CCDC33: variants seen among roughly 807,000 people sequenced by gnomAD.
CCDC33 encodes coiled-coil domain-containing protein 33.
Under a neutral mutation model 91.9 loss-of-function variants are expected in CCDC33, and 94 were observed. That is an observed-to-expected ratio of 1.02 (90% CI 0.87 to 1.21). CCDC33 has a LOEUF of 1.21. Among genes scored for constraint, CCDC33 ranks in the 50% most tolerant of loss-of-function variants. The probability of loss-of-function intolerance (pLI) is 0.00; values close to 1 mark genes in which losing one functional copy is unlikely to be tolerated. For synonymous variants in CCDC33, 396 were observed against 374.5 expected, an observed-to-expected ratio of 1.06 and a Z score of -0.66; for missense variants, 940 against 935.5, an observed-to-expected ratio of 1.00 and a Z score of -0.06.
At chr15:74,232,521 T>C (rs2075011149), upstream of CCDC33, among the ~76,000 whole-genome samples, 1 of 152,104 alleles carries the variant, frequency 6.6e-6, no homozygotes, top group Non-Finnish European at 1.5e-5. Context: ...CCCCCACACT[T>C]GGCCTTCTCT....
intron 13 of CCDC33, 43 bp from the exon 14 acceptor site, chr15:74,330,938 C>T: frequency 6.4e-7 from 1 of 1,556,872 alleles, no homozygotes. Flanking sequence ...GGTGGACTCC[C>T]AGGCACCCAT....
chr15:74,277,828 A>G (rs1278186518), intron 7 of CCDC33, among the ~76,000 whole-genome samples: 1 of 152,206 alleles, frequency 6.6e-6, no homozygotes, highest in Non-Finnish European at 1.5e-5. Context: ...CATAGGCTCC[A>G]TTTAGACACA....
At chr15:74,251,329 G>A (rs1457377159) in intron 2 of CCDC33, among the ~76,000 whole-genome samples, 1 of 152,240 alleles carries the variant, frequency 6.6e-6, no homozygotes, top group African/African-American at 2.4e-5. Flanking sequence ...CCCAGCACCT[G>A]TCACCCAGCC....
rs1382759168 is a variant in CCDC33 at position 74,272,894 on chromosome 15, A to T, written c.759+3A>T. The T allele has an allele frequency of 1.2e-6, 2 of 1,614,010 alleles. No individual in the cohort carries two copies. The highest frequency in any genetic ancestry group is 1.7e-5 in the Admixed American group (1 of 60,000). ...TCAGCCAGAACGGATGCCCTCAGGT[A>T]TGTCTCCTCCCCAGTGGTTCCAGCT... is the stretch of plus-strand genomic sequence containing the variant. On this transcript the variant is annotated splice_donor_region_variant and intron_variant, in intron 7 of 18. Coordinates refer to ENST00000398814, the MANE Select transcript of CCDC33 (RefSeq NM_025055.5).
At chr15:74,219,973 G>C (rs1405878373) in intron 2 of CCDC33, among the ~76,000 whole-genome samples, 1 of 152,192 alleles carries the variant, frequency 6.6e-6, no homozygotes, top group Admixed American at 6.5e-5. Flanking sequence ...CATTGGTCTG[G>C]TGCTGAAGTG....
chr15:74,324,658 C>T (rs2060272578), intron 11 of CCDC33, among the ~76,000 whole-genome samples: 1 of 151,836 alleles, frequency 6.6e-6, no homozygotes, highest in African/African-American at 2.4e-5. Flanking sequence ...CTTCCCAAGG[C>T]TCCAATGGAA....
intron 16 of CCDC33, among the ~76,000 whole-genome samples, chr15:74,333,642 G>A (rs1377676859): frequency 6.6e-6 from 1 of 152,150 alleles, no homozygotes; most frequent in Non-Finnish European, 1.5e-5. Context: ...TAAAAAAAAT[G>A]TTGTGTCAAA....
At chr15:74,295,220 T>G (rs909476394) in intron 10 of CCDC33, among the ~76,000 whole-genome samples, 4 of 152,190 alleles carry the variant, frequency 2.6e-5, no homozygotes, top group African/African-American at 9.7e-5. Flanking sequence ...AGCCAGAGAC[T>G]AGGGATAGAC....
At chr15:74,245,311 G>C (rs955538510) in intron 2 of CCDC33, among the ~76,000 whole-genome samples, 1 of 152,176 alleles carries the variant, frequency 6.6e-6, no homozygotes, top group Non-Finnish European at 1.5e-5. Flanking sequence ...CTGTGAAAGG[G>C]GGGTAGAAGC....
chr15:74,308,680 C>T lies in CCDC33; in HGVS notation c.1290+12732C>T, dbSNP rs144753733. Among the ~76,000 whole-genome samples, 33 of 152,350 alleles carry T rather than the reference C, an allele frequency of 2.2e-4. No individual in the cohort carries two copies. In the East Asian group the frequency reaches 6.0e-3, roughly 28 times the overall value. On this transcript the variant is annotated intron_variant, in intron 11 of 18. Transcript: ENST00000398814. ...TTACTCAAACAGACAAAAGGGGGCT[C>T]AGCATCTCTGGTGGCACTAAGCCTC...
intron 18 of CCDC33, chr15:74,335,522 GC>G: frequency 2.7e-6 from 1 of 369,660 alleles, no homozygotes; most frequent in Non-Finnish European, 5.0e-6. Flanking sequence ...GCTCCACTTT[GC>G]CAACTTCCCG....
upstream of CCDC33, among the ~76,000 whole-genome samples, chr15:74,235,041 C>G (rs1346179215): frequency 6.6e-6 from 1 of 152,200 alleles, no homozygotes; most frequent in Non-Finnish European, 1.5e-5. Flanking sequence ...ACTGGGGGAG[C>G]AGCCACTGAG....
chr15:74,237,187 T>C (rs1293640449), intron 1 of CCDC33, among the ~76,000 whole-genome samples: 1 of 152,328 alleles, frequency 6.6e-6, no homozygotes, highest in East Asian at 1.9e-4. Context: ...GGAACACAGA[T>C]GCTTGGGTCT....
At chr15:74,278,313 A>C (rs2076502539) in intron 7 of CCDC33, among the ~76,000 whole-genome samples, 1 of 152,236 alleles carries the variant, frequency 6.6e-6, no homozygotes, top group African/African-American at 2.4e-5. Flanking sequence ...ATGATCCTGC[A>C]TCAATAACTC....
At chr15:74,208,684 T>C (rs912233725) in intron 1 of CCDC33, 6 of 985,250 alleles carry the variant, frequency 6.1e-6, no homozygotes, top group Admixed American at 6.1e-5. Flanking sequence ...TCTGCTCACT[T>C]CCTGCCCCTA....
At chr15:74,281,654 C>G in intron 9 of CCDC33, 124 bp from the exon 10 acceptor site, 1 of 833,892 alleles carries the variant, frequency 1.2e-6, no homozygotes, top group Admixed American at 2.0e-5. Context: ...GCTCCCACCT[C>G]CCTCCCACCC....
chr15:74,254,960 C>G (rs968807573), intron 2 of CCDC33, among the ~76,000 whole-genome samples: 5 of 152,214 alleles, frequency 3.3e-5, no homozygotes, highest in Admixed American at 6.5e-5. Context: ...GTTGGCCAAG[C>G]TGGTCTCGAA....
chr15:74,313,695 T>C (rs1202265889), intron 11 of CCDC33, among the ~76,000 whole-genome samples: 1 of 152,170 alleles, frequency 6.6e-6, no homozygotes, highest in East Asian at 1.9e-4. Flanking sequence ...CGGAGGGCTA[T>C]GAATGCTGAG....
At chr15:74,271,190 T>C (rs1199513134) in intron 5 of CCDC33, among the ~76,000 whole-genome samples, 1 of 152,084 alleles carries the variant, frequency 6.6e-6, no homozygotes, top group African/African-American at 2.4e-5. Flanking sequence ...AAGTTCAGCA[T>C]GGTCGGAGAA....
Sources: allele counts gnomAD v4.1 joint callset (sites outside exome capture counted in the v4.1 genomes callset), GRCh38; gene constraint gnomAD v4.1.1; transcripts MANE v1.5; gene names NCBI Gene and HGNC (gene_info 2026-07-23, HGNC 2026-07-21).